The following TXNDC5 variants were observed in gnomAD, a reference collection of about 807,000 sequenced individuals.
TXNDC5 encodes the protein thioredoxin domain-containing protein 5.
A neutral mutation model predicts 52.6 loss-of-function variants in TXNDC5; 44 were observed. That is an observed-to-expected ratio of 0.84 (90% CI 0.66 to 1.08). The LOEUF is 1.08. Ranked by LOEUF, TXNDC5 falls within the 50% of genes least tolerant of loss-of-function variation. The pLI, the probability that TXNDC5 is intolerant of heterozygous loss-of-function variation, is 0.00. For missense variants in TXNDC5, 600 were observed against 565.5 expected (o/e 1.06, Z -0.62); for synonymous variants, 241 against 234.4 (o/e 1.03, Z -0.26).
chr6:7,888,676 T>A (rs146409770), intron 7 of TXNDC5, 29 bp downstream of exon 7: 1 of 1,593,534 alleles, frequency 6.3e-7, no homozygotes, highest in East Asian at 2.2e-5. Flanking sequence ...GGGCCACTTA[T>A]GGGGATCCCG....
At chr6:7,910,083 G>A (rs952840387) in intron 1 of TXNDC5, 27 of 986,030 alleles carry the variant, frequency 2.7e-5, no homozygotes, top group Non-Finnish European at 3.1e-5. Flanking sequence ...GAATTCAGGA[G>A]CGCGGCGCAG....
At chr6:7,899,161 G>A (rs408014) in intron 3 of TXNDC5, among the ~76,000 whole-genome samples, 47,553 of 152,018 alleles carry the variant, frequency 0.31, 8,118 homozygotes, top group East Asian at 0.65. Context: ...CTCTGATGCT[G>A]GGGTACAGTT....
chr6:7,907,659 A>G (rs963309246), intron 1 of TXNDC5, among the ~76,000 whole-genome samples: 1 of 152,210 alleles, frequency 6.6e-6, no homozygotes, highest in Non-Finnish European at 1.5e-5. Flanking sequence ...GGGGGAGTCC[A>G]CTGAGTCTTC....
At chr6:7,891,824 T>C in intron 4 of TXNDC5, 88 bp from the exon 5 acceptor site, 1 of 929,190 alleles carries the variant, frequency 1.1e-6, no homozygotes, top group Non-Finnish European at 1.7e-6. Context: ...AAGAATCAGA[T>C]CTTTGTCCTG....
intron 9 of TXNDC5, among the ~76,000 whole-genome samples, chr6:7,883,522 G>A (rs546998340): frequency 6.6e-6 from 1 of 152,304 alleles, no homozygotes; most frequent in African/African-American, 2.4e-5. Flanking sequence ...CCCTAAAGCA[G>A]ACGCTTTCAG....
chr6:7,888,455 G>A (rs1374796868), intron 7 of TXNDC5, among the ~76,000 whole-genome samples: 1 of 152,190 alleles, frequency 6.6e-6, no homozygotes, highest in African/African-American at 2.4e-5. Context: ...ACCAAATATT[G>A]TCTTGGGATT....
intron 2 of TXNDC5, among the ~76,000 whole-genome samples, chr6:7,901,441 C>A (rs560654107): frequency 4.2e-3 from 647 of 152,258 alleles, no homozygotes; most frequent in Non-Finnish European, 7.3e-3. Flanking sequence ...TAAGACCTAG[C>A]CTATGATTTT....
At chr6:7,907,154 T>TTTTTCCC (rs1760763363) in intron 1 of TXNDC5, among the ~76,000 whole-genome samples, 4 of 149,106 alleles carry the variant, frequency 2.7e-5, no homozygotes, top group Non-Finnish European at 5.9e-5. Context: ...TTGCTACTGC[T>TTTTTCCC]TTTTTTTTCC....
At chr6:7,907,165 C>CTTT (rs55914910) in intron 1 of TXNDC5, among the ~76,000 whole-genome samples, 18 of 143,918 alleles carry the variant, frequency 1.3e-4, no homozygotes, top group Non-Finnish European at 2.3e-4. Context: ...TTTTTTTTCC[C>CTTT]TTTTTTTTTT....
At position 7,895,033 on chromosome 6, in the gene TXNDC5, CA is replaced by C. The variant is rs1003688295; in HGVS notation, c.616+72del. On this transcript the variant is annotated intron_variant, in intron 4 of 9. Transcript: ENST00000379757. ...CTGCTATCTAAGAGCCCTTGAGTAG[CA>C]GGAAGGAAAAGCCCAGCACGCCAAG... is the stretch of plus-strand genomic sequence containing the variant. 2.0e-6 allele frequency: 3 copies of C among 1,537,028 alleles called. No individual in the cohort carries two copies. In the Admixed American group the frequency reaches 5.8e-5, roughly 30 times the overall value.
intron 7 of TXNDC5, among the ~76,000 whole-genome samples, chr6:7,887,443 T>G (rs997077625): frequency 2.0e-5 from 3 of 152,004 alleles, no homozygotes; most frequent in Non-Finnish European, 4.4e-5. Context: ...GCCCCTGTGC[T>G]GGGTACCATC....
chr6:7,883,335 A>C (rs1479001607), intron 9 of TXNDC5, 69 bp from the exon 10 acceptor site: 1 of 1,606,634 alleles, frequency 6.2e-7, no homozygotes, highest in Non-Finnish European at 8.5e-7. Flanking sequence ...TTCCTAAATA[A>C]AACCAGATAC....
At chr6:7,907,695 A>C (rs557989054) in intron 1 of TXNDC5, among the ~76,000 whole-genome samples, 2 of 152,264 alleles carry the variant, frequency 1.3e-5, no homozygotes, top group African/African-American at 4.8e-5. Context: ...CGCTCAGCTC[A>C]CCACTCCAGG....
At chr6:7,906,551 A>AC (rs1211985276) in intron 1 of TXNDC5, among the ~76,000 whole-genome samples, 10 of 150,228 alleles carry the variant, frequency 6.7e-5, no homozygotes, top group African/African-American at 2.5e-4. Context: ...AAAAAAAAAA[A>AC]AAAAAAGAAA....
intron 4 of TXNDC5, among the ~76,000 whole-genome samples, chr6:7,894,453 A>C (rs568853572): frequency 1.3e-5 from 2 of 152,238 alleles, no homozygotes; most frequent in East Asian, 3.9e-4. Flanking sequence ...GTCATTAAGC[A>C]TATGATTATC....
intron 3 of TXNDC5, 132 bp from the exon 4 acceptor site, chr6:7,895,334 A>C: frequency 1.3e-6 from 1 of 764,462 alleles, no homozygotes; most frequent in South Asian, 1.8e-5. Context: ...CCCTTGTACG[A>C]TGCTGCTGTG....
At chr6:7,896,946 T>A (rs1166481315) in intron 3 of TXNDC5, among the ~76,000 whole-genome samples, 1 of 151,492 alleles carries the variant, frequency 6.6e-6, no homozygotes, top group Non-Finnish European at 1.5e-5. Context: ...AAAAATGATC[T>A]TTTTTTTTAT....
chr6:7,887,333 G>A (rs1472556732), intron 7 of TXNDC5, among the ~76,000 whole-genome samples: 1 of 152,150 alleles, frequency 6.6e-6, no homozygotes, highest in African/African-American at 2.4e-5. Context: ...CCAGGCTCAT[G>A]GTTGGAACTG....
intron 8 of TXNDC5, 134 bp from the exon 9 acceptor site, chr6:7,884,622 A>T (rs1208490649): frequency 8.1e-7 from 1 of 1,238,296 alleles, no homozygotes; most frequent in Non-Finnish European, 1.1e-6. Context: ...AAAATACCAA[A>T]TTCTCCCACT....
Sources: gnomAD v4.1 joint callset for allele counts (sites outside exome capture counted in the v4.1 genomes callset) on GRCh38, gnomAD v4.1.1 for gene constraint, MANE v1.5 for transcripts, NCBI Gene and HGNC (gene_info 2026-07-23, HGNC 2026-07-21) for gene names.